The following TEKT3 variants were observed in gnomAD, a reference collection of about 807,000 sequenced individuals.
TEKT3 encodes tektin 3.
A neutral mutation model predicts 49.8 loss-of-function variants in TEKT3; 49 were observed. The ratio of observed to expected loss-of-function variants is 0.98; its 90% CI spans 0.78 to 1.25. The LOEUF is 1.25. Among genes scored for constraint, TEKT3 ranks in the 50% most tolerant of loss-of-function variants. TEKT3 has a pLI of 0.00. For missense variants in TEKT3, 595 were observed against 629.5 expected (o/e 0.95, Z 0.59); for synonymous variants, 225 against 237.2 (o/e 0.95, Z 0.47).
upstream of TEKT3, among the ~76,000 whole-genome samples, chr17:15,343,267 A>G (rs1051731719): frequency 6.6e-6 from 1 of 152,276 alleles, no homozygotes; most frequent in Non-Finnish European, 1.5e-5. Context: ...GAGTCAGTGA[A>G]TTTCAAAAAC....
At chr17:15,324,003 C>T (rs1030462329) in intron 4 of TEKT3, among the ~76,000 whole-genome samples, 8 of 152,096 alleles carry the variant, frequency 5.3e-5, no homozygotes, top group African/African-American at 7.2e-5. Flanking sequence ...GTACATTCGC[C>T]GAGTTGTATA....
intron 5 of TEKT3, among the ~76,000 whole-genome samples, chr17:15,314,459 G>A (rs921007004): frequency 1.3e-5 from 2 of 152,182 alleles, no homozygotes; most frequent in African/African-American, 2.4e-5. Flanking sequence ...CCTTTCATAG[G>A]GTGGGATGGA....
At chr17:15,306,089 A>ATATATATATGTGTG (rs1291765039) in intron 8 of TEKT3, among the ~76,000 whole-genome samples, 8 of 144,408 alleles carry the variant, frequency 5.5e-5, no homozygotes, top group African/African-American at 1.8e-4. Context: ...ATTTATATAT[A>ATATATATATGTGTG]TGTGTGTGTG....
intron 5 of TEKT3, among the ~76,000 whole-genome samples, chr17:15,317,832 A>G (rs1371900915): frequency 6.6e-6 from 1 of 151,818 alleles, no homozygotes; most frequent in East Asian, 1.9e-4. Flanking sequence ...AACCATAAAT[A>G]TTAAGTACCT....
intron 8 of TEKT3, among the ~76,000 whole-genome samples, chr17:15,305,141 A>C (rs1214084315): frequency 6.6e-6 from 1 of 152,136 alleles, no homozygotes; most frequent in East Asian, 1.9e-4. Context: ...AATCCATGGG[A>C]TCTACTAAGA....
chr17:15,336,353 A>G (rs1054387511), intron 2 of TEKT3, among the ~76,000 whole-genome samples: 4 of 152,208 alleles, frequency 2.6e-5, no homozygotes, highest in African/African-American at 7.2e-5. Flanking sequence ...CTCAAATTCT[A>G]TATCTAGTGA....
intron 8 of TEKT3, among the ~76,000 whole-genome samples, chr17:15,308,463 G>A (rs773527193): frequency 2.0e-5 from 3 of 152,150 alleles, no homozygotes; most frequent in South Asian, 2.1e-4. Flanking sequence ...TGGTGCAACC[G>A]TCACCGCCAT....
chr17:15,309,272 C>T (rs1910668939), intron 7 of TEKT3, among the ~76,000 whole-genome samples: 1 of 152,188 alleles, frequency 6.6e-6, no homozygotes, highest in South Asian at 2.1e-4. Context: ...TCTCTTCCCA[C>T]TTTCTCTTCC....
chr17:15,326,441 T>G (rs372882), intron 4 of TEKT3, among the ~76,000 whole-genome samples: 2 of 151,386 alleles, frequency 1.3e-5, no homozygotes, highest in Non-Finnish European at 2.9e-5. Context: ...CAAGGAAGAG[T>G]TCATAGCAGA....
At chr17:15,313,281 G>A (rs1483547338) in intron 6 of TEKT3, among the ~76,000 whole-genome samples, 2 of 152,130 alleles carry the variant, frequency 1.3e-5, no homozygotes, top group Admixed American at 6.5e-5. Flanking sequence ...TTTCAACTGC[G>A]TGCATTGTAT....
intron 4 of TEKT3, among the ~76,000 whole-genome samples, chr17:15,320,784 A>G (rs143500952): frequency 2.6e-5 from 4 of 152,198 alleles, no homozygotes; most frequent in Admixed American, 6.5e-5. Context: ...TTTTGTGTTC[A>G]GTTTTTATCT....
intron 8 of TEKT3, among the ~76,000 whole-genome samples, chr17:15,307,531 G>T (rs1202623766): frequency 5.9e-5 from 9 of 152,184 alleles, no homozygotes; most frequent in African/African-American, 1.9e-4. Flanking sequence ...TCATTGCATT[G>T]ATTATCGCCA....
Position 15,312,286 on chromosome 17 carries a change from C to G in TEKT3, c.1074G>C (p.Lys358Asn), listed in dbSNP as rs775477451. Residue 358 changes from lysine to asparagine, a missense_variant, in exon 7 of 9, where the codon AAG (lysine) becomes AAC (asparagine). By Grantham distance (94) the Lys-to-Asn change is moderately conservative (BLOSUM62 0). Transcript: ENST00000395930. ...TTGCTAAGTGCGTCTGAATCTTATT[C>G]TTAGCATCTGCAGTCTCAGCAATGC... The part of the protein sequence containing the change: ...TNRIAETADA[K>N]NKIQTHLAKT... The G allele has an allele frequency of 6.2e-7, 1 of 1,614,090 alleles. No homozygotes were observed. Among genetic ancestry groups the G allele is most frequent in the Non-Finnish European group, 8.5e-7 (1 of 1,180,056 alleles).
intron 2 of TEKT3, among the ~76,000 whole-genome samples, chr17:15,331,977 G>A (rs1264956601): frequency 6.6e-6 from 1 of 152,018 alleles, no homozygotes; most frequent in Non-Finnish European, 1.5e-5. Flanking sequence ...TCAGGAGTTC[G>A]AGACCAGCCT....
intron 3 of TEKT3, among the ~76,000 whole-genome samples, chr17:15,329,349 C>T (rs1911621125): frequency 6.6e-6 from 1 of 152,182 alleles, no homozygotes; most frequent in Admixed American, 6.5e-5. Context: ...ACAAGAACAT[C>T]TGGACAAAAA....
chr17:15,334,701 T>C (rs867481109), intron 2 of TEKT3, among the ~76,000 whole-genome samples: 24 of 152,236 alleles, frequency 1.6e-4, no homozygotes, highest in Middle Eastern at 3.2e-3. Context: ...GAACTCCTCA[T>C]GTACGGCAGT....
At chr17:15,334,399 T>G (rs1911903063) in intron 2 of TEKT3, among the ~76,000 whole-genome samples, 1 of 152,192 alleles carries the variant, frequency 6.6e-6, no homozygotes. Context: ...AATAGCTCAC[T>G]TCATCCTTCA....
chr17:15,326,473 T>C (rs988455711), intron 4 of TEKT3, among the ~76,000 whole-genome samples: 3 of 152,110 alleles, frequency 2.0e-5, no homozygotes, highest in African/African-American at 4.8e-5. Flanking sequence ...CATGAGAATG[T>C]ATAGGATAGA....
intron 4 of TEKT3, among the ~76,000 whole-genome samples, chr17:15,320,366 T>C (rs1048575054): frequency 6.6e-6 from 1 of 152,224 alleles, no homozygotes. Context: ...TAAAATTCAG[T>C]CTTTTGTGTT....
Sources: allele counts gnomAD v4.1 joint callset (sites outside exome capture counted in the v4.1 genomes callset), GRCh38; gene constraint gnomAD v4.1.1; transcripts MANE v1.5; gene names NCBI Gene and HGNC (gene_info 2026-07-23, HGNC 2026-07-21).